ETV5: variants seen among roughly 807,000 people sequenced by gnomAD.
ETV5 encodes ETS variant transcription factor 5.
In ETV5, 10 loss-of-function variants were observed where a neutral mutation model predicts 70.0. That is an observed-to-expected ratio of 0.14 (90% CI 0.09 to 0.24). The LOEUF (loss-of-function observed/expected upper bound fraction) is 0.24, where lower values mean the gene tolerates loss of function less well. Among genes scored for constraint, ETV5 ranks in the 10% least tolerant of loss-of-function variants. ETV5 has a pLI of 1.00. For synonymous variants in ETV5, 216 were observed against 242.2 expected (o/e 0.89, Z 1.01); for missense variants, 453 against 651.2 (o/e 0.70, Z 3.31).
intron 5 of ETV5, among the ~76,000 whole-genome samples, chr3:186,088,064 C>T (rs559410101): frequency 1.3e-5 from 2 of 152,178 alleles, no homozygotes; most frequent in Non-Finnish European, 2.9e-5. Context: ...CAGGCTTTGA[C>T]CGCCTTCCAG....
At chr3:186,055,012 T>C (rs547884240) in intron 11 of ETV5, among the ~76,000 whole-genome samples, 223 of 152,332 alleles carry the variant, frequency 1.5e-3, no homozygotes, top group Non-Finnish European at 2.6e-3. Context: ...AGGCTTCTCA[T>C]ATGACTTGGC....
chr3:186,107,049 AT>A (rs1412958886), intron 1 of ETV5: 1 of 659,228 alleles, frequency 1.5e-6, no homozygotes, highest in Non-Finnish European at 1.9e-6. Context: ...ATTCCATCCA[AT>A]TTGTTTTTCA....
chr3:186,097,449 A>G (rs1207020289), intron 5 of ETV5, among the ~76,000 whole-genome samples: 1 of 152,200 alleles, frequency 6.6e-6, no homozygotes, highest in African/African-American at 2.4e-5. Context: ...AAGAGCAGGC[A>G]GGAATCCTCA....
chr3:186,090,694 A>G (rs1714161951), intron 5 of ETV5, among the ~76,000 whole-genome samples: 3 of 152,182 alleles, frequency 2.0e-5, no homozygotes, highest in Non-Finnish European at 4.4e-5. Context: ...GGCAGCTATC[A>G]CCAACCTGGG....
chr3:186,058,530 G>C (rs1470974418), intron 9 of ETV5, among the ~76,000 whole-genome samples: 1 of 152,166 alleles, frequency 6.6e-6, no homozygotes, highest in East Asian at 1.9e-4. Context: ...GGGGCAGGCA[G>C]GTGAAAAGGC....
chr3:186,093,339 T>C (rs1465239926), intron 5 of ETV5, among the ~76,000 whole-genome samples: 1 of 152,210 alleles, frequency 6.6e-6, no homozygotes, highest in Non-Finnish European at 1.5e-5. Context: ...AAAAATCTCA[T>C]TATTTGAACT....
chr3:186,108,653 G>C, intron 1 of ETV5: 1 of 1,155,702 alleles, frequency 8.7e-7, no homozygotes, highest in Non-Finnish European at 1.1e-6. Flanking sequence ...CCATCCACTC[G>C]GGAGCCCCCG....
chr3:186,105,634 C>T lies in ETV5; in HGVS notation c.124G>A (p.Asp42Asn), dbSNP rs1221002517. Reference protein sequence around the residue: ...RKFLDTDLAHDSEELFQDLSQ... With the variant: ...RKFLDTDLAHNSEELFQDLSQ... Reference sequence around the variant, plus strand: ...GGGAAAGCTTTACTACCTTCAGAATCGTGAGCCAGATCTGTGTCCAAAAAC... The same window carrying T: ...GGGAAAGCTTTACTACCTTCAGAATTGTGAGCCAGATCTGTGTCCAAAAAC... The change falls in exon 3 of 13, where the codon GAT becomes AAT. Residue 42 changes from aspartate to asparagine, a missense_variant. By Grantham distance (23) the Asp-to-Asn change is conservative. Around this residue, in one of 4 missense-constraint regions of ETV5, gnomAD observed 47 missense variants for 96.8 expected, o/e 0.49. Coordinates refer to ENST00000306376, the MANE Select transcript of ETV5 (RefSeq NM_004454.3). The surrounding 1 kb of genome is among the most constrained non-coding windows in gnomAD (Gnocchi z 4.5). The T allele has an allele frequency of 1.9e-6, 3 of 1,614,182 alleles. No homozygotes were observed. The highest frequency in any genetic ancestry group is 2.2e-5 in the East Asian group (1 of 44,888).
chr3:186,096,877 G>C, intron 5 of ETV5, among the ~76,000 whole-genome samples: 1 of 152,118 alleles, frequency 6.6e-6, no homozygotes, highest in Non-Finnish European at 1.5e-5. Context: ...TAAGATGTTG[G>C]AGGATGTTTA....
chr3:186,097,736 T>A (rs755926573), intron 5 of ETV5, among the ~76,000 whole-genome samples: 1 of 152,174 alleles, frequency 6.6e-6, no homozygotes, highest in African/African-American at 2.4e-5. Flanking sequence ...TCAAACCCCA[T>A]TAAGCCCAGG....
intron 5 of ETV5, among the ~76,000 whole-genome samples, chr3:186,084,461 C>CTTCA (rs67764705): frequency 0.06 from 9,129 of 150,934 alleles, 282 homozygotes; most frequent in African/African-American, 0.085. Flanking sequence ...TTCTTTCTGT[C>CTTCA]TTCATTCATT....
chr3:186,095,353 T>C (rs1182934929), intron 5 of ETV5: 2 of 152,346 alleles, frequency 1.3e-5, no homozygotes, highest in East Asian at 3.9e-4. Flanking sequence ...CCTTAAGCTT[T>C]AACAACCCTT....
At position 186,052,173 on chromosome 3, in the gene ETV5, C is replaced by T. The variant is rs1157746141; in HGVS notation, c.1210-42G>A. 6 of 1,588,262 alleles carry T rather than the reference C, an allele frequency of 3.8e-6. No individual in the cohort carries two copies. In the South Asian group the frequency reaches 6.6e-5, roughly 18 times the overall value. On this transcript the variant is annotated intron_variant, in intron 11 of 12. Coordinates refer to ENST00000306376, the MANE Select transcript of ETV5 (RefSeq NM_004454.3). This position sits in a 1 kb window ranked among gnomAD's most constrained non-coding sequence, Gnocchi z 4.5. ...GTGAAGAGCAATGGAAACGCATTCC[C>T]TGGGCCCCATGTTCTCTCCCAATCC... is the stretch of plus-strand genomic sequence containing the variant.
At chr3:186,063,991 A>G (rs1713373315) in intron 9 of ETV5, among the ~76,000 whole-genome samples, 1 of 152,148 alleles carries the variant, frequency 6.6e-6, no homozygotes, top group African/African-American at 2.4e-5. Context: ...ACATATAAAA[A>G]CCACCCTCAC....
At chr3:186,071,577 T>C (rs1353665390) in intron 7 of ETV5, among the ~76,000 whole-genome samples, 1 of 152,234 alleles carries the variant, frequency 6.6e-6, no homozygotes, top group Non-Finnish European at 1.5e-5. Flanking sequence ...GGCCCGGCCC[T>C]GTTATAACAC....
At chr3:186,102,595 C>T (rs1479056717) in intron 5 of ETV5, among the ~76,000 whole-genome samples, 1 of 148,760 alleles carries the variant, frequency 6.7e-6, no homozygotes, top group Non-Finnish European at 1.5e-5. Flanking sequence ...CGAGATTGCG[C>T]CATTGCACTC....
In ETV5 at chr3:186,065,978, C is replaced by T; in HGVS notation, c.745G>A (p.Glu249Lys). The T allele has an allele frequency of 6.2e-7, 1 of 1,610,794 alleles. No individual in the cohort carries two copies. Among genetic ancestry groups the T allele is most frequent in the Non-Finnish European group, 8.5e-7 (1 of 1,178,558 alleles). ...GGGGGAGCTGCAGGGACAATAGGTTCTGACATTTGCCGATGGTAACTGGGG... is the reference window on the plus strand; with the variant it reads ...GGGGGAGCTGCAGGGACAATAGGTTTTGACATTTGCCGATGGTAACTGGGG... ...NRPSYHRQMS[E>K]PIVPAAPPPP... The change falls in exon 8 of 13, where the codon GAA (glutamate) becomes AAA (lysine). Residue 249 changes from glutamate to lysine, a missense_variant. Coordinates refer to ENST00000306376, the MANE Select transcript of ETV5 (RefSeq NM_004454.3).
chr3:186,091,530 A>G (rs528701512), intron 5 of ETV5, among the ~76,000 whole-genome samples: 1 of 152,290 alleles, frequency 6.6e-6, no homozygotes, highest in South Asian at 2.1e-4. Flanking sequence ...CGCAAGAGCC[A>G]AATTAGGGAG....
intron 7 of ETV5, among the ~76,000 whole-genome samples, chr3:186,066,276 A>AAAAAAAAAAAG: frequency 1.3e-5 from 2 of 151,184 alleles, no homozygotes; most frequent in Non-Finnish European, 3.0e-5. Context: ...AAAAAAAAAA[A>AAAAAAAAAAAG]AAAATCAAAG....
Sources: allele counts gnomAD v4.1 joint callset (sites outside exome capture counted in the v4.1 genomes callset), GRCh38; gene constraint gnomAD v4.1.1; regional missense constraint gnomAD v4.1.1; non-coding constraint Gnocchi (gnomAD v3.1); transcripts MANE v1.5; gene names NCBI Gene and HGNC (gene_info 2026-07-23, HGNC 2026-07-21).